The following EYS variants were observed in gnomAD, a reference collection of about 807,000 sequenced individuals.
EYS encodes the protein EGF-like photoreceptor maintenance factor, also known as protein eyes shut homolog.
Under a neutral mutation model 282.1 loss-of-function variants are expected in EYS, and 250 were observed. The ratio of observed to expected loss-of-function variants is 0.89; its 90% CI spans 0.80 to 0.98. EYS has a LOEUF of 0.98. Ranked by LOEUF, EYS falls within the 50% of genes least tolerant of loss-of-function variation. EYS has a pLI of 0.00. For missense variants in EYS, 4,016 were observed against 3,709.0 expected (o/e 1.08, Z -2.15); for synonymous variants, 1,355 against 1,282.9 (o/e 1.06, Z -1.20).
intron 5 of EYS, among the ~76,000 whole-genome samples, chr6:65,415,516 G>C (rs1767197078): frequency 6.6e-6 from 1 of 152,160 alleles, no homozygotes; most frequent in African/African-American, 2.4e-5. Context: ...GATAATGAAT[G>C]CAATAAAGGG....
At chr6:65,441,172 G>A (rs1169106021) in intron 5 of EYS, among the ~76,000 whole-genome samples, 1 of 151,114 alleles carries the variant, frequency 6.6e-6, no homozygotes, top group Non-Finnish European at 1.5e-5. Context: ...ATTTTTATTA[G>A]TATTTATTTT....
intron 12 of EYS, among the ~76,000 whole-genome samples, chr6:65,104,345 A>G (rs1259224024): frequency 6.6e-6 from 1 of 151,496 alleles, no homozygotes; most frequent in Non-Finnish European, 1.5e-5. Context: ...TTAATAAAAT[A>G]TCAATTACTG....
chr6:64,966,134 G>A (rs554052876), intron 14 of EYS, among the ~76,000 whole-genome samples: 8 of 152,190 alleles, frequency 5.3e-5, no homozygotes, highest in Admixed American at 4.6e-4. Context: ...GATTTCTTAT[G>A]AGTGAATTAT....
chr6:63,749,803 AG>A (rs1043390238), intron 41 of EYS, among the ~76,000 whole-genome samples: 22 of 152,136 alleles, frequency 1.4e-4, no homozygotes, highest in Non-Finnish European at 1.0e-4. Context: ...AGCCCCCTCC[AG>A]GGGTCCCAAC....
intron 5 of EYS, among the ~76,000 whole-genome samples, chr6:65,487,808 CT>C (rs201907082): frequency 6.6e-6 from 1 of 151,866 alleles, no homozygotes; most frequent in East Asian, 1.9e-4. Context: ...GGGACCTGGA[CT>C]TTTTTTGGCT....
intron 22 of EYS, among the ~76,000 whole-genome samples, chr6:64,643,737 A>G (rs910000733): frequency 5.3e-5 from 8 of 152,152 alleles, no homozygotes; most frequent in Non-Finnish European, 8.8e-5. Context: ...ATTAGATATG[A>G]TAGTTTTATA....
chr6:64,822,185 A>G lies in EYS; in HGVS notation c.3165-462T>C, dbSNP rs564651323. Among the ~76,000 whole-genome samples the G allele has an allele frequency of 2.0e-5, 3 of 152,166 alleles. No individual in the cohort carries two copies. The South Asian group carries it at 6.2e-4, about 32-fold the overall frequency. On this transcript the variant is annotated intron_variant, in intron 20 of 42. Coordinates refer to ENST00000503581, the MANE Select transcript of EYS (RefSeq NM_001142800.2). The stretch of plus-strand genomic sequence containing the variant: ...AGAAATACCTTCACTCTAGATGTGT[A>G]TTAACCAATATTTTATCCATGATCA...
intron 5 of EYS, among the ~76,000 whole-genome samples, chr6:65,440,935 G>A (rs891215171): frequency 2.0e-5 from 3 of 146,522 alleles, no homozygotes; most frequent in African/African-American, 7.4e-5. Flanking sequence ...ATAAAAAACA[G>A]TGTCTGTATA....
chr6:65,622,429 G>A (rs988160157), intron 2 of EYS, among the ~76,000 whole-genome samples: 4 of 151,876 alleles, frequency 2.6e-5, no homozygotes, highest in Admixed American at 6.6e-5. Context: ...CCTTAGACAT[G>A]TTTTCCATTA....
intron 12 of EYS, among the ~76,000 whole-genome samples, chr6:65,070,204 T>C (rs1205436752): frequency 6.6e-6 from 1 of 151,996 alleles, no homozygotes; most frequent in East Asian, 1.9e-4. Context: ...GGGTCTTATC[T>C]ACGTGCTAAT....
At chr6:64,631,744 A>C (rs1418027923) in intron 22 of EYS, 1 of 152,222 alleles carries the variant, frequency 6.6e-6, no homozygotes, top group African/African-American at 2.4e-5. Context: ...TTGTTTATTA[A>C]CAAATGTGTC....
chr6:64,564,356 C>A (rs1765495300), intron 26 of EYS, among the ~76,000 whole-genome samples: 1 of 136,402 alleles, frequency 7.3e-6, no homozygotes, highest in African/African-American at 2.7e-5. Context: ...CGGCTCACTG[C>A]AACCTCTGCC....
chr6:65,413,295 T>C (rs1380204691), intron 5 of EYS, among the ~76,000 whole-genome samples: 2 of 152,270 alleles, frequency 1.3e-5, no homozygotes, highest in East Asian at 3.9e-4. Flanking sequence ...CAAGAAATAT[T>C]CTATATACTT....
chr6:65,082,123 T>C (rs1381175827), intron 12 of EYS, among the ~76,000 whole-genome samples: 1 of 152,118 alleles, frequency 6.6e-6, no homozygotes, highest in Non-Finnish European at 1.5e-5. Flanking sequence ...CACAGGAAGG[T>C]TGACAAGTAA....
chr6:65,123,039 A>G (rs888115862), intron 12 of EYS, among the ~76,000 whole-genome samples: 1 of 152,132 alleles, frequency 6.6e-6, no homozygotes, highest in Non-Finnish European at 1.5e-5. Flanking sequence ...CAGCTATGCT[A>G]TGTCTATTTA....
intron 12 of EYS, among the ~76,000 whole-genome samples, chr6:65,230,799 G>T (rs1419113760): frequency 2.6e-5 from 4 of 151,418 alleles, no homozygotes; most frequent in Non-Finnish European, 5.9e-5. Flanking sequence ...TTTAAAATTT[G>T]CAGTAGTAAT....
At chr6:64,294,781 C>T (rs530366926) in intron 30 of EYS, among the ~76,000 whole-genome samples, 2 of 152,244 alleles carry the variant, frequency 1.3e-5, no homozygotes, top group East Asian at 1.9e-4. Flanking sequence ...AGTATTATCA[C>T]TTTAATTTAA....
At chr6:63,893,233 C>T (rs1184131413) in intron 35 of EYS, among the ~76,000 whole-genome samples, 2 of 152,106 alleles carry the variant, frequency 1.3e-5, no homozygotes, top group African/African-American at 4.8e-5. Context: ...TGGGTATATA[C>T]CCAAAGGATT....
intron 12 of EYS, among the ~76,000 whole-genome samples, chr6:65,161,297 T>C (rs1384339008): frequency 6.6e-6 from 1 of 151,032 alleles, no homozygotes; most frequent in Non-Finnish European, 1.5e-5. Context: ...ATTCATCTTT[T>C]AAAATTCAGC....
Sources: allele counts gnomAD v4.1 joint callset (sites outside exome capture counted in the v4.1 genomes callset), GRCh38; gene constraint gnomAD v4.1.1; transcripts MANE v1.5; gene names NCBI Gene and HGNC (gene_info 2026-07-23, HGNC 2026-07-21).